The following HCRTR2 variants were observed in gnomAD, a reference collection of about 807,000 sequenced individuals.
HCRTR2 encodes orexin receptor type 2.
A neutral mutation model predicts 49.0 loss-of-function variants in HCRTR2; 22 were observed. That is an observed-to-expected ratio of 0.45 (90% CI 0.32 to 0.64). The LOEUF is 0.64. HCRTR2 is among the 30% of genes least tolerant of loss of function. The pLI, the probability that HCRTR2 is intolerant of heterozygous loss-of-function variation, is 0.04. For synonymous variants in HCRTR2, 236 were observed against 205.3 expected, an observed-to-expected ratio of 1.15 and a Z score of -1.28; for missense variants, 491 against 559.4, an observed-to-expected ratio of 0.88 and a Z score of 1.23.
At chr6:55,230,089 T>C (rs1766085924) in intron 1 of HCRTR2, among the ~76,000 whole-genome samples, 3 of 152,182 alleles carry the variant, frequency 2.0e-5, no homozygotes, top group Admixed American at 2.0e-4. Context: ...AGCAATACTC[T>C]CATGCCTTAA....
intron 1 of HCRTR2, among the ~76,000 whole-genome samples, chr6:55,234,441 T>C (rs542777313): frequency 3.8e-4 from 58 of 152,018 alleles, no homozygotes; most frequent in Admixed American, 7.9e-4. Flanking sequence ...AGGGGAGAAA[T>C]GGCTAGATTA....
At chr6:55,265,715 T>C (rs1326004565) in intron 4 of HCRTR2, among the ~76,000 whole-genome samples, 3 of 152,066 alleles carry the variant, frequency 2.0e-5, no homozygotes, top group East Asian at 1.9e-4. Context: ...TGATACACTA[T>C]ACAGAAGTCA....
intron 1 of HCRTR2, among the ~76,000 whole-genome samples, chr6:55,139,280 A>C (rs1370964206): frequency 3.9e-5 from 6 of 152,194 alleles, no homozygotes; most frequent in African/African-American, 1.4e-4. Context: ...TGAGAGACTA[A>C]GTTTATGTTT....
intron 1 of HCRTR2, among the ~76,000 whole-genome samples, chr6:55,120,530 A>C (rs1194962634): frequency 6.6e-6 from 1 of 151,210 alleles, no homozygotes; most frequent in Non-Finnish European, 1.5e-5. Context: ...CGTGAATGGG[A>C]GTTCACTCAT....
downstream of HCRTR2, among the ~76,000 whole-genome samples, chr6:55,284,644 T>C (rs887094063): frequency 3.3e-5 from 5 of 152,138 alleles, no homozygotes; most frequent in Non-Finnish European, 1.5e-5. Flanking sequence ...AGTATCAATG[T>C]TGACTCTCAC....
At chr6:55,173,876 T>C (rs1407319298), upstream of HCRTR2, among the ~76,000 whole-genome samples, 3 of 152,238 alleles carry the variant, frequency 2.0e-5, no homozygotes, top group African/African-American at 7.2e-5. Context: ...AAGTACTAAG[T>C]TGGCAAATGT....
chr6:55,242,169 C>G (rs978155079), intron 1 of HCRTR2, among the ~76,000 whole-genome samples: 1 of 152,002 alleles, frequency 6.6e-6, no homozygotes, highest in Non-Finnish European at 1.5e-5. Context: ...CACTCCCAGT[C>G]GGCAACTAAT....
intron 1 of HCRTR2, among the ~76,000 whole-genome samples, chr6:55,107,311 C>G (rs1440362648): frequency 1.3e-5 from 2 of 152,114 alleles, no homozygotes; most frequent in South Asian, 2.1e-4. Flanking sequence ...TCTTCCTACT[C>G]TGACTTCTTG....
At chr6:55,116,024 C>T (rs567524412) in intron 1 of HCRTR2, among the ~76,000 whole-genome samples, 1 of 151,610 alleles carries the variant, frequency 6.6e-6, no homozygotes, top group East Asian at 1.9e-4. Flanking sequence ...TTCTTGTAGC[C>T]TCATGGGATT....
chr6:55,278,724 A>C lies in HCRTR2; in HGVS notation c.983+1124A>C, dbSNP rs577606462. On this transcript the variant is annotated intron_variant, in intron 5 of 6. Coordinates refer to ENST00000370862, the MANE Select transcript of HCRTR2 (RefSeq NM_001384272.1). Reference sequence around the variant, plus strand: ...CATATCTTTTTGTGCTTTGCTTCTTATTAATTATTATTATTATTATTATTA... The same window carrying C: ...CATATCTTTTTGTGCTTTGCTTCTTCTTAATTATTATTATTATTATTATTA... 2.2e-3 allele frequency among the ~76,000 whole-genome samples: 301 copies of C among 134,084 alleles called. 2 individuals are homozygous for C. The highest frequency in any genetic ancestry group is 9.2e-3 in the African/African-American group (293 of 31,936). The allele number at this position is 134,084 out of a possible 152,430, so 88.0% of individuals were successfully genotyped here.
At chr6:55,228,170 A>C (rs2127298813) in intron 1 of HCRTR2, among the ~76,000 whole-genome samples, 1 of 152,226 alleles carries the variant, frequency 6.6e-6, no homozygotes, top group East Asian at 1.9e-4. Context: ...CATACGAATA[A>C]TGATAGGACC....
chr6:55,269,134 C>A (rs1398148147), intron 4 of HCRTR2, among the ~76,000 whole-genome samples: 1 of 147,328 alleles, frequency 6.8e-6, no homozygotes, highest in African/African-American at 2.5e-5. Context: ...GGCAGAATAG[C>A]AACAAGGAAA....
At chr6:55,117,870 GTT>G (rs1370900525) in intron 1 of HCRTR2, among the ~76,000 whole-genome samples, 1 of 124,354 alleles carries the variant, frequency 8.0e-6, no homozygotes, top group African/African-American at 2.6e-5. Flanking sequence ...CAGACTGTTT[GTT>G]TTTTTTTCTG....
At chr6:55,149,362 C>T (rs9382454) in intron 1 of HCRTR2, among the ~76,000 whole-genome samples, 41,641 of 151,900 alleles carry the variant, frequency 0.27, 6,547 homozygotes, top group Middle Eastern at 0.47. Context: ...CAGGGATTTT[C>T]TCTGAGACAG....
chr6:55,243,138 A>G (rs1334149338), intron 1 of HCRTR2, among the ~76,000 whole-genome samples: 1 of 152,094 alleles, frequency 6.6e-6, no homozygotes, highest in Non-Finnish European at 1.5e-5. Flanking sequence ...AAAATAATTG[A>G]TATCTTCTTG....
At chr6:55,133,589 G>C (rs756023184) in intron 1 of HCRTR2, among the ~76,000 whole-genome samples, 29 of 151,836 alleles carry the variant, frequency 1.9e-4, no homozygotes, top group South Asian at 4.2e-4. Flanking sequence ...GATATCTGTT[G>C]GCAATGAAAC....
intron 1 of HCRTR2, among the ~76,000 whole-genome samples, chr6:55,148,420 T>C (rs968940569): frequency 2.0e-5 from 3 of 152,112 alleles, no homozygotes; most frequent in Admixed American, 6.6e-5. Context: ...TATCAGTCAT[T>C]GATTGGAAAT....
chr6:55,256,559 T>C (rs764192262), intron 3 of HCRTR2, among the ~76,000 whole-genome samples: 7 of 152,182 alleles, frequency 4.6e-5, no homozygotes, highest in Non-Finnish European at 8.8e-5. Context: ...TAATTTGCTT[T>C]ATCTATTACC....
At chr6:55,171,120 T>C (rs960780994), upstream of HCRTR2, among the ~76,000 whole-genome samples, 1 of 152,142 alleles carries the variant, frequency 6.6e-6, no homozygotes, top group African/African-American at 2.4e-5. Context: ...CTGGGTCAAA[T>C]GGTATTTCTA....
Sources: allele counts gnomAD v4.1 joint callset (sites outside exome capture counted in the v4.1 genomes callset), GRCh38; gene constraint gnomAD v4.1.1; transcripts MANE v1.5; gene names NCBI Gene and HGNC (gene_info 2026-07-23, HGNC 2026-07-21).